The following TTC3 variants were observed in gnomAD, a reference collection of about 807,000 sequenced individuals.
The protein encoded by TTC3 is tetratricopeptide repeat domain 3, also known as E3 ubiquitin-protein ligase TTC3.
Under a neutral mutation model 249.6 loss-of-function variants are expected in TTC3, and 180 were observed. The observed-to-expected ratio is 0.72, with a 90% CI of 0.64 to 0.82. TTC3 has a LOEUF of 0.82. TTC3 is among the 40% of genes least tolerant of loss of function. The pLI, the probability that TTC3 is intolerant of heterozygous loss-of-function variation, is 0.00. For synonymous variants in TTC3, 717 were observed against 805.0 expected, an observed-to-expected ratio of 0.89 and a Z score of 1.85; for missense variants, 2,061 against 2,398.4, an observed-to-expected ratio of 0.86 and a Z score of 2.94.
intron 19 of TTC3, among the ~76,000 whole-genome samples, chr21:37,139,327 A>G (rs2078227806): frequency 6.6e-6 from 1 of 152,140 alleles, no homozygotes; most frequent in Non-Finnish European, 1.5e-5. Context: ...GTGTATAGAC[A>G]TGAGCTCCCA....
At chr21:37,073,664 T>G (rs1236613107) in intron 1 of TTC3, among the ~76,000 whole-genome samples, 191 bp downstream of exon 1, 2 of 152,038 alleles carry the variant, frequency 1.3e-5, no homozygotes, top group Non-Finnish European at 2.9e-5. Context: ...GTAGTCCCTT[T>G]GTGCGCAACC....
intron 32 of TTC3, among the ~76,000 whole-genome samples, chr21:37,164,445 T>G (rs1439752399): frequency 1.3e-5 from 2 of 151,956 alleles, no homozygotes; most frequent in African/African-American, 4.8e-5. Context: ...TTCAGGTGAT[T>G]GTCATGCGTC....
chr21:37,147,845 C>A (rs1011929046), intron 22 of TTC3, among the ~76,000 whole-genome samples: 6 of 152,036 alleles, frequency 3.9e-5, no homozygotes, highest in Non-Finnish European at 8.8e-5. Context: ...TCTCCTGCCT[C>A]AGCCTCCCAA....
chr21:37,198,806 ACT>A (rs2085194537), intron 44 of TTC3, among the ~76,000 whole-genome samples: 1 of 151,968 alleles, frequency 6.6e-6, no homozygotes, highest in Admixed American at 6.5e-5. Context: ...CGCTAGTCAC[ACT>A]TTGTATGTTC....
At chr21:37,076,694 ATTTTTTTTTTTTT>A (rs61629167) in intron 1 of TTC3, among the ~76,000 whole-genome samples, 1 of 94,994 alleles carries the variant, frequency 1.1e-5, no homozygotes, top group Non-Finnish European at 1.9e-5. Context: ...AAACAAAGGG[ATTTTTTTTTTTTT>A]TTTTTTTTTT....
intron 10 of TTC3, chr21:37,097,958 A>G: frequency 1.4e-6 from 1 of 713,902 alleles, no homozygotes; most frequent in Non-Finnish European, 2.6e-6. Flanking sequence ...CAAGAGTTTA[A>G]AAAGAAGAAA....
At chr21:37,166,648 T>C (rs1386173736) in intron 33 of TTC3, 33 bp downstream of exon 33, 1 of 1,541,082 alleles carries the variant, frequency 6.5e-7, no homozygotes, top group African/African-American at 1.4e-5. Context: ...TTCTTAATAC[T>C]GAAGTTAAAT....
exon 9 of TTC3, chr21:37,095,358 A>G (rs778537877): frequency 1.9e-6 from 3 of 1,604,498 alleles, no homozygotes; most frequent in East Asian, 4.5e-5. Flanking sequence ...AGGAAGGAGA[A>G]CTAATGAAAA....
At chr21:37,187,092 A>C in exon 38 of TTC3, 1 of 1,571,186 alleles carries the variant, frequency 6.4e-7, no homozygotes, top group African/African-American at 1.4e-5. Flanking sequence ...AGAGTATATA[A>C]AGAAAGGGAA....
exon 46 of TTC3, chr21:37,202,678 G>A (rs1479507373): frequency 6.6e-6 from 1 of 152,174 alleles, no homozygotes; most frequent in African/African-American, 2.4e-5. Context: ...TTTAGACAGT[G>A]GTAAATATAG....
chr21:37,178,067 G>A (rs1479847533), intron 35 of TTC3, among the ~76,000 whole-genome samples: 1 of 152,156 alleles, frequency 6.6e-6, no homozygotes, highest in Non-Finnish European at 1.5e-5. Context: ...CATGTTACAT[G>A]TAGTCTTTTA....
At chr21:37,192,199 C>T in exon 41 of TTC3, 1 of 1,601,250 alleles carries the variant, frequency 6.2e-7, no homozygotes, top group Non-Finnish European at 8.5e-7. Context: ...GCTTTCATTT[C>T]CTGCCTGTAA....
chr21:37,109,449 G>A (rs2147801936), intron 11 of TTC3, among the ~76,000 whole-genome samples: 2 of 152,360 alleles, frequency 1.3e-5, no homozygotes, highest in East Asian at 1.9e-4. Context: ...TACGCCCATG[G>A]AGCCTCGCTC....
intron 16 of TTC3, among the ~76,000 whole-genome samples, chr21:37,129,832 A>G (rs913100226): frequency 3.3e-5 from 5 of 152,154 alleles, no homozygotes; most frequent in Non-Finnish European, 7.4e-5. Flanking sequence ...TTTTTTAGAG[A>G]CAGGGTCTTG....
Position 37,167,547 on chromosome 21 carries a change from G to A in TTC3, c.4402-8G>A. ...TAAAGTGAATTTTATTTTTTGTTTT[G>A]CCCACAGGTATCTTGGAACATAATA... On this transcript the variant is annotated splice_region_variant and splice_polypyrimidine_tract_variant and intron_variant, in intron 33 of 45. Coordinates refer to ENST00000355666, the Ensembl canonical transcript of TTC3. The A allele has an allele frequency of 6.3e-7, 1 of 1,598,602 alleles. No individual in the cohort carries two copies. The highest frequency in any genetic ancestry group is 8.5e-7 in the Non-Finnish European group (1 of 1,170,884).
intron 10 of TTC3, 96 bp downstream of exon 10, chr21:37,096,739 G>C: frequency 2.2e-6 from 2 of 904,752 alleles, no homozygotes; most frequent in Non-Finnish European, 1.8e-6. Flanking sequence ...GAAAATCCTT[G>C]ACTGGTTCTT....
intron 9 of TTC3, among the ~76,000 whole-genome samples, chr21:37,096,231 A>G (rs1392341979): frequency 6.6e-6 from 1 of 152,268 alleles, no homozygotes; most frequent in Non-Finnish European, 1.5e-5. Flanking sequence ...TCAAAACGAC[A>G]TAGTCCTGAC....
At chr21:37,175,597 C>CAAAAA (rs1175943574) in intron 35 of TTC3, among the ~76,000 whole-genome samples, 4 of 42,874 alleles carry the variant, frequency 9.3e-5, no homozygotes, top group Non-Finnish European at 9.4e-5. Context: ...GACTCCATCT[C>CAAAAA]AAAAAAAAAA....
intron 11 of TTC3, among the ~76,000 whole-genome samples, chr21:37,115,200 TA>T (rs955913185): frequency 1.2e-4 from 18 of 149,784 alleles, no homozygotes; most frequent in Middle Eastern, 7.0e-3. Context: ...ATAATAATAA[TA>T]AAGAAACTAT....
Sources: allele counts gnomAD v4.1 joint callset (sites outside exome capture counted in the v4.1 genomes callset), GRCh38; gene constraint gnomAD v4.1.1; transcripts MANE v1.5; gene names NCBI Gene and HGNC (gene_info 2026-07-23, HGNC 2026-07-21).